FAM135B: variants seen among roughly 807,000 people sequenced by gnomAD.
FAM135B encodes the protein protein FAM135B.
A neutral mutation model predicts 127.7 loss-of-function variants in FAM135B; 43 were observed. That is an observed-to-expected ratio of 0.34 (90% CI 0.26 to 0.43). The LOEUF is 0.43. Ranked by LOEUF, FAM135B falls within the 20% of genes least tolerant of loss-of-function variation. The pLI is 1.00. For synonymous variants in FAM135B, 670 were observed against 665.1 expected (o/e 1.01, Z -0.11); for missense variants, 1,558 against 1,725.6 (o/e 0.90, Z 1.72).
chr8:138,215,216 C>A (rs905507399), intron 7 of FAM135B, among the ~76,000 whole-genome samples: 1 of 152,214 alleles, frequency 6.6e-6, no homozygotes, highest in African/African-American at 2.4e-5. Flanking sequence ...AGTTAGTTAT[C>A]TCTCTATGCC....
chr8:138,370,068 C>T (rs1186869762), intron 1 of FAM135B, among the ~76,000 whole-genome samples: 3 of 152,132 alleles, frequency 2.0e-5, no homozygotes, highest in Non-Finnish European at 4.4e-5. Context: ...AAGCCCTCTG[C>T]ATGAGTAGTA....
At chr8:138,338,693 T>A (rs1426300981) in intron 2 of FAM135B, among the ~76,000 whole-genome samples, 1 of 151,876 alleles carries the variant, frequency 6.6e-6, no homozygotes, top group African/African-American at 2.4e-5. Context: ...ATTGTGGAAG[T>A]CAGTGTGGCG....
intron 15 of FAM135B, 93 bp from the exon 16 acceptor site, chr8:138,143,202 G>T: frequency 1.4e-6 from 1 of 705,314 alleles, no homozygotes. Context: ...ACACTGTGGC[G>T]CCTACTGGGG....
intron 1 of FAM135B, among the ~76,000 whole-genome samples, chr8:138,426,225 T>A (rs1203459501): frequency 6.6e-6 from 1 of 150,662 alleles, no homozygotes; most frequent in Non-Finnish European, 1.5e-5. Flanking sequence ...GAAGACTACA[T>A]CAAACTTCAT....
intron 1 of FAM135B, among the ~76,000 whole-genome samples, chr8:138,483,859 T>C (rs1323958339): frequency 6.6e-6 from 1 of 152,214 alleles, no homozygotes; most frequent in Non-Finnish European, 1.5e-5. Context: ...AGTCTAGGTA[T>C]ACACTATACG....
At chr8:138,297,950 A>G (rs568667695) in intron 3 of FAM135B, among the ~76,000 whole-genome samples, 1 of 152,286 alleles carries the variant, frequency 6.6e-6, no homozygotes, top group African/African-American at 2.4e-5. Context: ...TCCCAACACC[A>G]CGGGCACAGA....
At chr8:138,353,500 T>C (rs1829902989) in intron 2 of FAM135B, among the ~76,000 whole-genome samples, 1 of 152,212 alleles carries the variant, frequency 6.6e-6, no homozygotes, top group Non-Finnish European at 1.5e-5. Flanking sequence ...ATCTCTCCAA[T>C]AGCTCTAGCT....
At chr8:138,176,703 A>G (rs1814506565) in intron 11 of FAM135B, among the ~76,000 whole-genome samples, 1 of 152,204 alleles carries the variant, frequency 6.6e-6, no homozygotes, top group South Asian at 2.1e-4. Flanking sequence ...CATCTCAAGC[A>G]TCTTTCCATC....
intron 14 of FAM135B, among the ~76,000 whole-genome samples, chr8:138,147,892 A>T (rs1404217329): frequency 6.6e-6 from 1 of 152,210 alleles, no homozygotes; most frequent in Non-Finnish European, 1.5e-5. Flanking sequence ...CTGGTCATGC[A>T]TGACATCGAG....
intron 1 of FAM135B, among the ~76,000 whole-genome samples, chr8:138,436,215 G>C (rs958186843): frequency 6.6e-6 from 1 of 152,198 alleles, no homozygotes; most frequent in Non-Finnish European, 1.5e-5. Context: ...AAAACGATGA[G>C]AGAACCCGGA....
chr8:138,295,376 TGGGTGCC>T (rs1305277251), intron 3 of FAM135B, among the ~76,000 whole-genome samples: 4 of 152,054 alleles, frequency 2.6e-5, no homozygotes, highest in African/African-American at 9.7e-5. Flanking sequence ...CTACAGAATA[TGGGTGCC>T]GGCCTTGATG....
intron 1 of FAM135B, among the ~76,000 whole-genome samples, chr8:138,429,112 A>C (rs1438653025): frequency 1.3e-5 from 2 of 152,204 alleles, no homozygotes; most frequent in African/African-American, 4.8e-5. Context: ...GGGTATCTTT[A>C]AAAGAGTATA....
chr8:138,238,626 T>G (rs1820489709), intron 7 of FAM135B, among the ~76,000 whole-genome samples: 1 of 152,254 alleles, frequency 6.6e-6, no homozygotes, highest in Admixed American at 6.5e-5. Flanking sequence ...CAAATGTCTC[T>G]GCAAGGAAAG....
At chr8:138,263,223 T>C (rs1285968398) in intron 4 of FAM135B, among the ~76,000 whole-genome samples, 2 of 152,110 alleles carry the variant, frequency 1.3e-5, no homozygotes, top group Non-Finnish European at 1.5e-5. Flanking sequence ...GTGAAGTCGC[T>C]AAATAAGGAG....
intron 3 of FAM135B, among the ~76,000 whole-genome samples, chr8:138,271,942 T>C (rs1223202861): frequency 1.3e-5 from 2 of 152,160 alleles, no homozygotes; most frequent in Non-Finnish European, 2.9e-5. Context: ...CTAATGATCA[T>C]AGAAATTGTT....
At chr8:138,360,581 A>G (rs1274233798) in intron 2 of FAM135B, among the ~76,000 whole-genome samples, 2 of 152,198 alleles carry the variant, frequency 1.3e-5, no homozygotes, top group Non-Finnish European at 2.9e-5. Context: ...TATAATAAAG[A>G]GGCTAGCAAA....
At chr8:138,385,621 G>T (rs992855762) in intron 1 of FAM135B, among the ~76,000 whole-genome samples, 4 of 151,354 alleles carry the variant, frequency 2.6e-5, no homozygotes, top group Non-Finnish European at 5.9e-5. Context: ...GACCAGCCTG[G>T]CCAACATGGT....
At chr8:138,171,551 C>T (rs1389701385) in intron 11 of FAM135B, among the ~76,000 whole-genome samples, 1 of 152,210 alleles carries the variant, frequency 6.6e-6, no homozygotes, top group Non-Finnish European at 1.5e-5. Context: ...CAATGCCTCC[C>T]ATACAGTGAA....
chr8:138,429,896 G>A (rs913588003), intron 1 of FAM135B, among the ~76,000 whole-genome samples: 7 of 152,150 alleles, frequency 4.6e-5, no homozygotes, highest in African/African-American at 1.7e-4. Flanking sequence ...ACTGAGGCCT[G>A]AGAAGATAAA....
Sources: allele counts gnomAD v4.1 joint callset (sites outside exome capture counted in the v4.1 genomes callset), GRCh38; gene constraint gnomAD v4.1.1; transcripts MANE v1.5; gene names NCBI Gene and HGNC (gene_info 2026-07-23, HGNC 2026-07-21).